The following NT5C3B variants were observed in gnomAD, a reference collection of about 807,000 sequenced individuals.
The protein encoded by NT5C3B is 5'-nucleotidase, cytosolic IIIB.
NT5C3B carries 28 observed loss-of-function variants against 32.5 expected under a neutral mutation model. The observed-to-expected ratio is 0.86, with a 90% CI of 0.64 to 1.18. The LOEUF (loss-of-function observed/expected upper bound fraction) is 1.18, where lower values mean the gene tolerates loss of function less well. Ranked by LOEUF, NT5C3B falls within the 50% of genes most tolerant of loss-of-function variation. The pLI, the probability that NT5C3B is intolerant of heterozygous loss-of-function variation, is 0.00. For missense variants in NT5C3B, 317 were observed against 322.0 expected, an observed-to-expected ratio of 0.98 and a Z score of 0.12; for synonymous variants, 138 against 118.0, an observed-to-expected ratio of 1.17 and a Z score of -1.10.
intron 4 of NT5C3B, among the ~76,000 whole-genome samples, chr17:41,833,170 T>G (rs2048080860): frequency 6.6e-6 from 1 of 152,152 alleles, no homozygotes; most frequent in Non-Finnish European, 1.5e-5. Context: ...ATTAATTAGC[T>G]CAATTTTCAG....
chr17:41,827,502 G>C lies in NT5C3B; in HGVS notation c.692C>G (p.Ser231Cys), dbSNP rs782548739. 5 of 872,968 alleles carry C rather than the reference G, an allele frequency of 5.7e-6. No individual in the cohort carries two copies. The highest frequency in any genetic ancestry group is 2.4e-5 in the East Asian group (1 of 41,710). 54.1% of individuals were successfully genotyped at this position (872,968 alleles called of 1,614,324 possible). A position where few individuals can be genotyped will look rare whatever the true frequency, so the allele number is the denominator to read the frequency against. ...ATCGGCCATGGTGAGGTCCCCGATA[G>C]AGTCTCCCAGCAGGATGACATTGGT... ...GKTNVILLGDSIGDLTMADGV... is the reference protein window; with the variant it reads ...GKTNVILLGDCIGDLTMADGV... Residue 231 changes from serine to cysteine, a missense_variant, in exon 8 of 9, where the codon TCT (serine) becomes TGT (cysteine). Coordinates refer to ENST00000435506, the MANE Select transcript of NT5C3B (RefSeq NM_052935.5).
chr17:41,825,369 G>A lies in NT5C3B; in HGVS notation c.*154C>T. On this transcript the variant is annotated 3_prime_UTR_variant, in exon 9 of 9. Coordinates refer to ENST00000435506, the MANE Select transcript of NT5C3B (RefSeq NM_052935.5). ...GGCGGGGTTCCTTCAAGCCTCTGGT[G>A]ATGAAGGTGCTCAGGGAAAGGAGGA... 1.6e-6 allele frequency: 1 copy of A among 619,388 alleles called. No homozygotes were observed. The highest frequency in any genetic ancestry group is 2.8e-6 in the Non-Finnish European group (1 of 358,510). The allele number at this position is 619,388 out of a possible 1,614,324, so 38.4% of individuals were successfully genotyped here.
At chr17:41,833,164 A>G (rs2048080640) in intron 4 of NT5C3B, among the ~76,000 whole-genome samples, 1 of 152,134 alleles carries the variant, frequency 6.6e-6, no homozygotes, top group African/African-American at 2.4e-5. Flanking sequence ...GCTGTTATTA[A>G]TTAGCTCAAT....
chr17:41,836,180 A>C lies in NT5C3B; in HGVS notation c.12+2T>G. On this transcript the variant is annotated splice_donor_variant, in intron 1 of 8. Transcript: ENST00000435506. LOFTEE classifies it high-confidence loss of function. ...CACTCCGGACGCTTCCTCCCTCCTC[A>C]CCTCCTCTGCCATCCCGTTCGAGGC... 2 of 1,273,762 alleles carry C rather than the reference A, an allele frequency of 1.6e-6. No homozygotes were observed. The highest frequency in any genetic ancestry group is 2.7e-4 in the Middle Eastern group (1 of 3,764). 78.9% of individuals were successfully genotyped at this position (1,273,762 alleles called of 1,614,324 possible).
intron 6 of NT5C3B, 35 bp downstream of exon 6, chr17:41,830,766 T>A: frequency 7.1e-7 from 1 of 1,405,428 alleles, no homozygotes. Context: ...TTCTAAATAG[T>A]CTGATAGAAA....
chr17:41,826,511 C>A (rs2047966439), intron 8 of NT5C3B, among the ~76,000 whole-genome samples: 2 of 152,018 alleles, frequency 1.3e-5, no homozygotes, highest in South Asian at 4.1e-4. Flanking sequence ...GCATGAGCCA[C>A]CGCACCTGAC....
At chr17:41,829,776 C>T (rs561892680) in intron 6 of NT5C3B, among the ~76,000 whole-genome samples, 1 of 152,224 alleles carries the variant, frequency 6.6e-6, no homozygotes, top group Admixed American at 6.5e-5. Flanking sequence ...ATACAGCTGC[C>T]ATGAATACCC....
rs2048005944 is a variant in NT5C3B at position 41,828,838 on chromosome 17, G to T, written c.519C>A (p.Phe173Leu). ...TAGACACGATGTGGATGTTGGGGTG[G>T]AACACTTTCATCTGTCGGATAATTT... Reference protein sequence around the residue: ...LEEIIRQMKVFHPNIHIVSNY... With the variant: ...LEEIIRQMKVLHPNIHIVSNY... The change falls in exon 7 of 9, where the codon TTC (phenylalanine) becomes TTA (leucine). Residue 173 changes from phenylalanine to leucine, a missense_variant. Coordinates refer to ENST00000435506, the MANE Select transcript of NT5C3B (RefSeq NM_052935.5). 6.2e-7 allele frequency: 1 copy of T among 1,613,856 alleles called. No individual in the cohort carries two copies. The highest frequency in any genetic ancestry group is 1.3e-5 in the African/African-American group (1 of 74,908).
chr17:41,835,326 C>T, intron 2 of NT5C3B, 54 bp from the exon 3 acceptor site: 1 of 1,469,130 alleles, frequency 6.8e-7, no homozygotes, highest in Non-Finnish European at 9.5e-7. Context: ...TCTAGTGTGG[C>T]CCTGCCTCAG....
At chr17:41,827,689 C>T (rs976103130) in intron 7 of NT5C3B, 63 bp from the exon 8 acceptor site, 1 of 765,264 alleles carries the variant, frequency 1.3e-6, no homozygotes, top group African/African-American at 1.7e-5. Context: ...ACCAGCTCTC[C>T]ACTGTCTCTG....
rs1434206005 is a variant in NT5C3B at position 41,835,395 on chromosome 17, T to C, written c.112-123A>G. The C allele has an allele frequency of 3.9e-5, 31 of 792,236 alleles. No individual in the cohort carries two copies. The Admixed American group carries it at 5.4e-4, about 14-fold the overall frequency. 49.1% of individuals were successfully genotyped at this position (792,236 alleles called of 1,614,324 possible). ...AGTGGCCAGGATGTAGGCAAAGCCC[T>C]AGGGGAGTTACCGAGTGACACAGAG... On this transcript the variant is annotated intron_variant, in intron 2 of 8. Coordinates refer to ENST00000435506, the MANE Select transcript of NT5C3B (RefSeq NM_052935.5).
intron 6 of NT5C3B, 68 bp downstream of exon 6, chr17:41,830,733 G>A (rs1259210623): frequency 7.8e-6 from 9 of 1,151,636 alleles, no homozygotes; most frequent in South Asian, 1.2e-5. Context: ...CTCTTCCCCC[G>A]CCTCCTTTTT....
At chr17:41,826,155 CAA>C (rs1206509838) in intron 8 of NT5C3B, among the ~76,000 whole-genome samples, 1 of 132,648 alleles carries the variant, frequency 7.5e-6, no homozygotes, top group Non-Finnish European at 1.6e-5. Flanking sequence ...GGCCCTGTCT[CAA>C]AAAAAAAAAA....
At chr17:41,830,765 G>A in intron 6 of NT5C3B, 36 bp downstream of exon 6, 1 of 1,407,266 alleles carries the variant, frequency 7.1e-7, no homozygotes. Flanking sequence ...ATTCTAAATA[G>A]TCTGATAGAA....
intron 7 of NT5C3B, among the ~76,000 whole-genome samples, chr17:41,827,917 T>G (rs1011922245): frequency 6.6e-6 from 1 of 152,244 alleles, no homozygotes; most frequent in Non-Finnish European, 1.5e-5. Flanking sequence ...CCATAAAGCC[T>G]AAATATCGAC....
intron 2 of NT5C3B, 44 bp downstream of exon 2, chr17:41,835,815 C>T (rs899267120): frequency 2.7e-5 from 41 of 1,543,462 alleles, no homozygotes; most frequent in Non-Finnish European, 3.4e-5. Context: ...GAAGCCTCTC[C>T]AGCCGCCCCC....
chr17:41,828,024 C>T (rs1555618448), intron 7 of NT5C3B, among the ~76,000 whole-genome samples: 1 of 152,232 alleles, frequency 6.6e-6, no homozygotes, highest in East Asian at 1.9e-4. Context: ...ATGCACGAAG[C>T]TGTGATATAA....
intron 6 of NT5C3B, 109 bp from the exon 7 acceptor site, chr17:41,829,061 GC>G (rs368235807): frequency 2.1e-6 from 2 of 938,846 alleles, no homozygotes; most frequent in Non-Finnish European, 3.2e-6. Flanking sequence ...TTGCTCTGTT[GC>G]CCAGGCTGGA....
intron 7 of NT5C3B, among the ~76,000 whole-genome samples, chr17:41,827,886 T>C (rs1555618437): frequency 2.0e-5 from 3 of 152,256 alleles, no homozygotes. Context: ...AGTTGGGCAG[T>C]TGCAACAGTG....
Sources: allele counts gnomAD v4.1 joint callset (sites outside exome capture counted in the v4.1 genomes callset), GRCh38; gene constraint gnomAD v4.1.1; transcripts MANE v1.5; gene names NCBI Gene and HGNC (gene_info 2026-07-23, HGNC 2026-07-21).